The following SLTM variants were observed in gnomAD, a reference collection of about 807,000 sequenced individuals.
SLTM encodes the protein SAFB-like transcription modulator.
A neutral mutation model predicts 134.6 loss-of-function variants in SLTM; 43 were observed. The ratio of observed to expected loss-of-function variants is 0.32; its 90% CI spans 0.25 to 0.41. The LOEUF (loss-of-function observed/expected upper bound fraction) is 0.41, where lower values mean the gene tolerates loss of function less well. Among genes scored for constraint, SLTM ranks in the 10% least tolerant of loss-of-function variants. The pLI is 1.00. For synonymous variants in SLTM, 424 were observed against 432.3 expected, an observed-to-expected ratio of 0.98 and a Z score of 0.24; for missense variants, 1,055 against 1,288.8, an observed-to-expected ratio of 0.82 and a Z score of 2.78.
At chr15:58,898,768 C>G (rs369892520) in intron 8 of SLTM, 35 bp downstream of exon 8, 114 of 1,500,550 alleles carry the variant, frequency 7.6e-5, no homozygotes, top group Non-Finnish European at 1.0e-4. Context: ...TACACAATGT[C>G]AACACTGAAA....
At chr15:58,890,102 C>T (rs2034539068) in intron 15 of SLTM, 179 bp downstream of exon 15, 2 of 653,488 alleles carry the variant, frequency 3.1e-6, no homozygotes, top group East Asian at 5.4e-5. Flanking sequence ...AACAAAGTCA[C>T]TACTAATTCT....
intron 6 of SLTM, 123 bp downstream of exon 6, chr15:58,901,137 C>A: frequency 1.2e-6 from 1 of 801,168 alleles, no homozygotes; most frequent in Non-Finnish European, 2.0e-6. Context: ...ACTTAATTCA[C>A]TAAATGGATA....
chr15:58,889,476 G>C lies in SLTM; in HGVS notation c.2158C>G (p.Gln720Glu). The C allele has an allele frequency of 1.9e-6, 3 of 1,614,024 alleles. No individual in the cohort carries two copies. The highest frequency in any genetic ancestry group is 2.5e-6 in the Non-Finnish European group (3 of 1,179,928). Residue 720 changes from glutamine (Q) to glutamate (E), a missense_variant, in exon 16 of 21, where the codon CAA becomes GAA. Coordinates refer to ENST00000380516, the MANE Select transcript of SLTM (RefSeq NM_024755.4). ...RRQQQQLRYE[Q>E]EKRNSLKRPR... ...CGTTTCAAGGAATTCCTTTTTTCTTGTTCATAACGAAGCTGCTGTTGTTGC... is the reference window on the plus strand; with the variant it reads ...CGTTTCAAGGAATTCCTTTTTTCTTCTTCATAACGAAGCTGCTGTTGTTGC...
At position 58,933,415 on chromosome 15, in the gene SLTM, G is replaced by C; in HGVS notation, c.151C>G (p.Arg51Gly). 1.3e-6 allele frequency: 2 copies of C among 1,579,780 alleles called. No homozygotes were observed. The highest frequency in any genetic ancestry group is 1.7e-6 in the Non-Finnish European group (2 of 1,163,388). The change falls in exon 1 of 21, where the codon CGA (arginine) becomes GGA (glycine). Residue 51 changes from arginine to glycine, a missense_variant. Physicochemically the swap from Arg to Gly is moderately radical, Grantham distance 125 (BLOSUM62 -2). Around this residue, in one of 3 missense-constraint regions of SLTM, gnomAD observed 268 missense variants for 284.3 expected, o/e 0.94. Transcript: ENST00000380516. The stretch of plus-strand genomic sequence containing the variant: ...TCGCCGGGCCTCACCTGCTTGAGTC[G>C]GGAGATGAGCACGGTCTTGACTCCG... ...ITGVKTVLIS[R>G]LKQAIEEEGG... is the part of the protein sequence containing the mutation.
intron 5 of SLTM, among the ~76,000 whole-genome samples, chr15:58,904,180 TA>T (rs778875047): frequency 1.2e-4 from 19 of 152,168 alleles, no homozygotes; most frequent in Middle Eastern, 3.4e-3. Context: ...ATTTTTTTGA[TA>T]TTTTTTTTTG....
intron 2 of SLTM, among the ~76,000 whole-genome samples, chr15:58,924,420 T>C (rs1567161206): frequency 1.3e-5 from 2 of 152,228 alleles, no homozygotes; most frequent in Admixed American, 1.3e-4. Context: ...CTGAGATATG[T>C]TTCAGAATTC....
At chr15:58,921,493 A>G in intron 2 of SLTM, 1 of 336,096 alleles carries the variant, frequency 3.0e-6, no homozygotes, top group African/African-American at 2.1e-5. Flanking sequence ...GCACTGGGGT[A>G]TGTAAAAATG....
At chr15:58,887,779 C>T (rs1376464213) in intron 17 of SLTM, among the ~76,000 whole-genome samples, 1 of 152,122 alleles carries the variant, frequency 6.6e-6, no homozygotes, top group Non-Finnish European at 1.5e-5. Flanking sequence ...ACTCAAAAGT[C>T]ACTACCAAGC....
At chr15:58,932,184 C>A (rs963142512) in intron 2 of SLTM, 172 bp downstream of exon 2, 6 of 577,066 alleles carry the variant, frequency 1.0e-5, no homozygotes, top group Non-Finnish European at 1.3e-5. Flanking sequence ...TTAAGGGCTA[C>A]AAGTCACCCA....
chr15:58,890,186 A>C, intron 15 of SLTM, 95 bp downstream of exon 15: 1 of 1,407,608 alleles, frequency 7.1e-7, no homozygotes, highest in Non-Finnish European at 9.8e-7. Context: ...CTCATTCTAT[A>C]GACGCTTTAC....
chr15:58,890,375 C>T lies in SLTM; in HGVS notation c.1985G>A (p.Arg662Lys), dbSNP rs770785828. The T allele has an allele frequency of 6.8e-6, 11 of 1,613,992 alleles. No individual in the cohort carries two copies. Among genetic ancestry groups the T allele is most frequent in the Non-Finnish European group, 9.3e-6 (11 of 1,180,008 alleles). Reference sequence around the variant, plus strand: ...TTCAATTTCTAGGCGCTCTCTCTCTCTCTGTAAGCGTTCCCGTTCTTCCCG... The same window carrying T: ...TTCAATTTCTAGGCGCTCTCTCTCTTTCTGTAAGCGTTCCCGTTCTTCCCG... ...REREERERLQ[R>K]ERERLEIERQ... is the part of the protein sequence containing the mutation. Residue 662 changes from arginine to lysine, a missense_variant, in exon 15 of 21, where the codon AGA (arginine) becomes AAA (lysine). By Grantham distance (26) the Arg-to-Lys change is conservative. Transcript: ENST00000380516.
At chr15:58,882,801 CTGAAGA>C (rs1166762116) in intron 20 of SLTM, among the ~76,000 whole-genome samples, 5 of 152,152 alleles carry the variant, frequency 3.3e-5, no homozygotes, top group African/African-American at 1.2e-4. Context: ...GATGGGGAAG[CTGAAGA>C]CCTGCTGGCT....
chr15:58,913,927 C>T (rs2036453982), intron 3 of SLTM, among the ~76,000 whole-genome samples: 1 of 152,154 alleles, frequency 6.6e-6, no homozygotes, highest in African/African-American at 2.4e-5. Flanking sequence ...AAAATGCACA[C>T]TAATCAAATT....
intron 2 of SLTM, among the ~76,000 whole-genome samples, chr15:58,921,891 T>C (rs900279643): frequency 6.6e-6 from 1 of 152,112 alleles, no homozygotes; most frequent in Non-Finnish European, 1.5e-5. Context: ...TTCTCATGCC[T>C]CAGCCTCACA....
At chr15:58,892,617 T>C (rs2034749357) in intron 14 of SLTM, among the ~76,000 whole-genome samples, 1 of 152,154 alleles carries the variant, frequency 6.6e-6, no homozygotes, top group Admixed American at 6.6e-5. Flanking sequence ...ATGTGGCCAT[T>C]GGAAGAGTCA....
Position 58,933,641 on chromosome 15 carries a change from C to T in SLTM, c.-76G>A. On this transcript the variant is annotated 5_prime_UTR_variant, in exon 1 of 21. Coordinates refer to ENST00000380516, the MANE Select transcript of SLTM (RefSeq NM_024755.4). Reference sequence around the variant, plus strand: ...GCAGCAGCGCCAACTTCCACCCAGGCCTCGGCGGCCGCCGGCGCCGCGCAG... The same window carrying T: ...GCAGCAGCGCCAACTTCCACCCAGGTCTCGGCGGCCGCCGGCGCCGCGCAG... 1.4e-6 allele frequency: 2 copies of T among 1,388,766 alleles called. No individual in the cohort carries two copies. The highest frequency in any genetic ancestry group is 9.3e-7 in the Non-Finnish European group (1 of 1,075,614). 86.0% of individuals were successfully genotyped at this position (1,388,766 alleles called of 1,614,324 possible).
intron 18 of SLTM, 27 bp from the exon 19 acceptor site, chr15:58,887,146 A>G: frequency 1.2e-6 from 2 of 1,613,758 alleles, no homozygotes; most frequent in South Asian, 1.1e-5. Context: ...AAAAACATAC[A>G]TGATCAAAAC....
intron 19 of SLTM, among the ~76,000 whole-genome samples, chr15:58,884,358 T>G (rs2034003697): frequency 6.6e-6 from 1 of 152,084 alleles, no homozygotes; most frequent in Non-Finnish European, 1.5e-5. Context: ...CTCGCTCTGT[T>G]GCCAGGCTGG....
chr15:58,923,275 A>G (rs1276633411), intron 2 of SLTM, among the ~76,000 whole-genome samples: 3 of 152,122 alleles, frequency 2.0e-5, no homozygotes, highest in African/African-American at 4.8e-5. Flanking sequence ...GGAGGATACC[A>G]TAAGCCCAGG....
Sources: allele counts gnomAD v4.1 joint callset (sites outside exome capture counted in the v4.1 genomes callset), GRCh38; gene constraint gnomAD v4.1.1; regional missense constraint gnomAD v4.1.1; transcripts MANE v1.5; gene names NCBI Gene and HGNC (gene_info 2026-07-23, HGNC 2026-07-21).